KYNU: variants seen among roughly 807,000 people sequenced by gnomAD.
KYNU encodes the protein L-kynurenine hydrolase.
In KYNU, 54 loss-of-function variants were observed where a neutral mutation model predicts 59.2. That is an observed-to-expected ratio of 0.91 (90% CI 0.73 to 1.14). The LOEUF (loss-of-function observed/expected upper bound fraction) is 1.14, where lower values mean the gene tolerates loss of function less well. Among genes scored for constraint, KYNU ranks in the 50% most tolerant of loss-of-function variants. KYNU has a pLI of 0.00. For missense variants in KYNU, 567 were observed against 554.4 expected (o/e 1.02, Z -0.23); for synonymous variants, 177 against 192.0 (o/e 0.92, Z 0.65).
At chr2:142,907,427 T>A (rs1445525346) in intron 2 of KYNU, among the ~76,000 whole-genome samples, 1 of 152,060 alleles carries the variant, frequency 6.6e-6, no homozygotes, top group Admixed American at 6.6e-5. Flanking sequence ...GGAGTGGAAA[T>A]GGGTGCCTTG....
chr2:142,901,729 A>G (rs1182555951), intron 2 of KYNU, among the ~76,000 whole-genome samples: 2 of 152,012 alleles, frequency 1.3e-5, no homozygotes, highest in Non-Finnish European at 2.9e-5. Context: ...AGTGAGGGCT[A>G]TTAGTTCTGC....
At chr2:143,014,464 A>T (rs747903035) in intron 10 of KYNU, among the ~76,000 whole-genome samples, 1 of 152,204 alleles carries the variant, frequency 6.6e-6, no homozygotes, top group African/African-American at 2.4e-5. Context: ...CATAAATTTT[A>T]TGCTGGGCTA....
intron 1 of KYNU, among the ~76,000 whole-genome samples, chr2:142,884,442 G>T (rs1180164703): frequency 6.6e-6 from 1 of 152,150 alleles, no homozygotes; most frequent in Non-Finnish European, 1.5e-5. Context: ...AGAAAGACAA[G>T]CTAAGTGGGA....
chr2:142,887,610 T>C (rs1375062517), intron 2 of KYNU, among the ~76,000 whole-genome samples: 2 of 152,138 alleles, frequency 1.3e-5, no homozygotes, highest in Non-Finnish European at 2.9e-5. Flanking sequence ...CTCTACATGG[T>C]TCACATGAAT....
At position 143,028,164 on chromosome 2, in the gene KYNU, C is replaced by CT. The variant is rs1350069641; in HGVS notation, c.903-1458dup. On this transcript the variant is annotated intron_variant, in intron 10 of 13. Coordinates refer to ENST00000264170, the MANE Select transcript of KYNU (RefSeq NM_003937.3). ...ATTTTTCTCTAAATTGTTTTATAGT[C>CT]TTTTTCATGTAATATATACACACAC... Among the ~76,000 whole-genome samples the CT allele has an allele frequency of 3.6e-4, 52 of 143,476 alleles. 2 individuals carry two copies. The East Asian group carries it at 9.7e-3, about 27-fold the overall frequency. The allele number at this position is 143,476 out of a possible 152,430, so 94.1% of individuals were successfully genotyped here.
chr2:142,993,702 C>T (rs564801397), intron 10 of KYNU, among the ~76,000 whole-genome samples: 21 of 151,990 alleles, frequency 1.4e-4, no homozygotes, highest in Non-Finnish European at 2.7e-4. Flanking sequence ...AAATAACTTA[C>T]ATGCATTGAG....
intron 4 of KYNU, among the ~76,000 whole-genome samples, chr2:142,931,598 A>T (rs1683220167): frequency 6.6e-6 from 1 of 152,182 alleles, no homozygotes; most frequent in Non-Finnish European, 1.5e-5. Context: ...CTAAGATAAA[A>T]GTTCGGCCAT....
intron 2 of KYNU, among the ~76,000 whole-genome samples, chr2:142,901,910 T>A (rs1232331517): frequency 6.6e-6 from 1 of 152,238 alleles, no homozygotes; most frequent in South Asian, 2.1e-4. Context: ...TCGAGTGGTA[T>A]AGGTTTGAAC....
intron 7 of KYNU, among the ~76,000 whole-genome samples, chr2:142,959,650 T>C (rs1684274849): frequency 6.6e-6 from 1 of 152,152 alleles, no homozygotes; most frequent in South Asian, 2.1e-4. Context: ...ATAGGTACTT[T>C]GTATTTAACT....
intron 10 of KYNU, among the ~76,000 whole-genome samples, chr2:143,026,594 C>T (rs1251494648): frequency 6.6e-6 from 1 of 152,230 alleles, no homozygotes; most frequent in East Asian, 1.9e-4. Flanking sequence ...AGGGAGCGCA[C>T]AGGTGAGCAG....
intron 10 of KYNU, among the ~76,000 whole-genome samples, chr2:143,019,668 T>G (rs140574872): frequency 1.2e-4 from 19 of 152,300 alleles, no homozygotes; most frequent in African/African-American, 4.6e-4. Context: ...AATGCTGGCC[T>G]CATGGAATGA....
intron 4 of KYNU, among the ~76,000 whole-genome samples, chr2:142,930,269 T>A (rs187905504): frequency 1.1e-3 from 172 of 152,244 alleles, no homozygotes; most frequent in Non-Finnish European, 2.1e-3. Flanking sequence ...GTGATGAAAA[T>A]ATGAATTTTT....
chr2:142,891,174 T>C (rs571613117), intron 2 of KYNU, among the ~76,000 whole-genome samples: 69 of 152,336 alleles, frequency 4.5e-4, no homozygotes, highest in Non-Finnish European at 8.8e-4. Flanking sequence ...TTATGGACCA[T>C]AAAATTCATC....
intron 8 of KYNU, among the ~76,000 whole-genome samples, chr2:142,981,871 A>G (rs767754284): frequency 6.6e-6 from 1 of 152,076 alleles, no homozygotes; most frequent in Non-Finnish European, 1.5e-5. Context: ...CAAGTAGCAA[A>G]TATTTTAGGC....
intron 2 of KYNU, among the ~76,000 whole-genome samples, chr2:142,918,271 G>T (rs1362478821): frequency 4.6e-5 from 7 of 152,098 alleles, no homozygotes; most frequent in Admixed American, 3.3e-4. Context: ...CAATTAGATA[G>T]GCTGATGTAT....
At chr2:143,012,157 C>T (rs183284141) in intron 10 of KYNU, among the ~76,000 whole-genome samples, 1 of 151,770 alleles carries the variant, frequency 6.6e-6, no homozygotes, top group Admixed American at 6.6e-5. Flanking sequence ...TTTCCTGCGA[C>T]AAAGGAGAAC....
chr2:142,970,057 A>C (rs767702070), intron 8 of KYNU, among the ~76,000 whole-genome samples: 19 of 152,220 alleles, frequency 1.2e-4, no homozygotes, highest in Non-Finnish European at 5.9e-5. Flanking sequence ...TCATGGCAAT[A>C]AAAATGGAAT....
chr2:142,975,228 G>A (rs948127761), intron 8 of KYNU, among the ~76,000 whole-genome samples: 6 of 152,104 alleles, frequency 3.9e-5, no homozygotes, highest in Admixed American at 1.3e-4. Flanking sequence ...GAGTGGCATG[G>A]CAGAAAAGGA....
Position 142,972,811 on chromosome 2 carries a change from T to TAG in KYNU, c.729+12042_729+12043insGA, listed in dbSNP as rs1269873595. 5.3e-3 allele frequency among the ~76,000 whole-genome samples: 699 copies of TAG among 132,280 alleles called. 5 individuals carry two copies. The highest frequency in any genetic ancestry group is 0.015 in the Middle Eastern group (4 of 262). The allele number at this position is 132,280 out of a possible 152,430, so 86.8% of individuals were successfully genotyped here. A position where few individuals can be genotyped will look rare whatever the true frequency, so the allele number is the denominator to read the frequency against. On this transcript the variant is annotated intron_variant, in intron 8 of 13. Coordinates refer to ENST00000264170, the MANE Select transcript of KYNU (RefSeq NM_003937.3). ...GAGGCCATATATATATATATATATATATAGAGAGAGAGAGAGAGAGAGAGA... is the reference window on the plus strand; with the variant it reads ...GAGGCCATATATATATATATATATATAGATAGAGAGAGAGAGAGAGAGAGAGA...
Sources: allele counts gnomAD v4.1 joint callset (sites outside exome capture counted in the v4.1 genomes callset), GRCh38; gene constraint gnomAD v4.1.1; transcripts MANE v1.5; gene names NCBI Gene and HGNC (gene_info 2026-07-23, HGNC 2026-07-21).